Variants in PDS5B observed in about 807,000 individuals in gnomAD.
PDS5B encodes sister chromatid cohesion protein PDS5 homolog B.
PDS5B carries 51 observed loss-of-function variants against 184.1 expected under a neutral mutation model. The observed-to-expected ratio is 0.28, with a 90% CI of 0.22 to 0.35. The LOEUF is 0.35. Ranked by LOEUF, PDS5B falls within the 10% of genes least tolerant of loss-of-function variation. The pLI, the probability that PDS5B is intolerant of heterozygous loss-of-function variation, is 1.00. For missense variants in PDS5B, 1,180 were observed against 1,723.3 expected (o/e 0.68, Z 5.58); for synonymous variants, 566 against 569.2 (o/e 0.99, Z 0.08).
At chr13:32,651,747 A>G (rs947429742) in intron 2 of PDS5B, 57 bp from the exon 3 acceptor site, 2 of 1,034,504 alleles carry the variant, frequency 1.9e-6, no homozygotes, top group East Asian at 2.4e-5. Flanking sequence ...CCTTTATTTC[A>G]CATGACTGTA....
At chr13:32,660,497 T>C (rs935765052) in intron 6 of PDS5B, among the ~76,000 whole-genome samples, 1 of 152,022 alleles carries the variant, frequency 6.6e-6, no homozygotes, top group Admixed American at 6.5e-5. Flanking sequence ...GGAGACCTGC[T>C]AAGCCTTTCA....
At chr13:32,680,036 T>C (rs1228659036) in intron 10 of PDS5B, among the ~76,000 whole-genome samples, 1 of 152,204 alleles carries the variant, frequency 6.6e-6, no homozygotes, top group East Asian at 1.9e-4. Flanking sequence ...GTAGGTAGTT[T>C]TTTGGGGAAT....
chr13:32,654,024 TG>T (rs1950435710), intron 3 of PDS5B, among the ~76,000 whole-genome samples: 1 of 152,206 alleles, frequency 6.6e-6, no homozygotes, highest in African/African-American at 2.4e-5. Context: ...ATGAGAAGAC[TG>T]TAAAAGAGCT....
rs1164650314 is a variant in PDS5B at position 32,775,984 on chromosome 13, A to T, written c.*932A>T. On this transcript the variant is annotated 3_prime_UTR_variant, in exon 35 of 35. Transcript: ENST00000315596. The stretch of plus-strand genomic sequence containing the variant: ...ATGTTCAGAAAATGCAAATTACACT[A>T]TAATATAAAACCTGATATATACACA... 2 of 193,282 alleles carry T rather than the reference A, an allele frequency of 1.0e-5. No homozygotes were observed. The highest frequency in any genetic ancestry group is 2.2e-5 in the Non-Finnish European group (2 of 92,666). The allele number at this position is 193,282 out of a possible 1,614,324, so 12.0% of individuals were successfully genotyped here.
chr13:32,599,007 T>C (rs944322521), intron 1 of PDS5B, among the ~76,000 whole-genome samples: 4 of 152,124 alleles, frequency 2.6e-5, no homozygotes, highest in Non-Finnish European at 4.4e-5. Flanking sequence ...CCTGACCTCG[T>C]GATCCGTCTG....
At position 32,598,579 on chromosome 13, in the gene PDS5B, T is replaced by C. The variant is rs150469889; in HGVS notation, c.-20+11986T>C. Among the ~76,000 whole-genome samples, 253 of 152,216 alleles carry C rather than the reference T, an allele frequency of 1.7e-3. 3 individuals carry two copies. The highest frequency in any genetic ancestry group is 6.0e-3 in the African/African-American group (248 of 41,488). Reference sequence around the variant, plus strand: ...TCAAATTCCTGGGCTCAAGCAGTCCTCCTGCCTTAGCCTCCTGGGTAGCTA... The same window carrying C: ...TCAAATTCCTGGGCTCAAGCAGTCCCCCTGCCTTAGCCTCCTGGGTAGCTA... On this transcript the variant is annotated intron_variant, in intron 1 of 34. Coordinates refer to ENST00000315596, the MANE Select transcript of PDS5B (RefSeq NM_015032.4).
At chr13:32,706,718 C>T (rs1952029496) in intron 17 of PDS5B, among the ~76,000 whole-genome samples, 1 of 152,072 alleles carries the variant, frequency 6.6e-6, no homozygotes, top group Non-Finnish European at 1.5e-5. Flanking sequence ...AACATTTTGA[C>T]CTCATTTGAA....
At chr13:32,683,847 A>T in intron 10 of PDS5B, 31 bp from the exon 11 acceptor site, 1 of 1,489,856 alleles carries the variant, frequency 6.7e-7, no homozygotes, top group African/African-American at 1.4e-5. Flanking sequence ...AGTTATTAAA[A>T]TTTCCACTGT....
chr13:32,735,660 G>A (rs1953305554), intron 21 of PDS5B, among the ~76,000 whole-genome samples: 1 of 152,104 alleles, frequency 6.6e-6, no homozygotes, highest in Non-Finnish European at 1.5e-5. Flanking sequence ...CCAGCTCATA[G>A]TATGGTTGTC....
At chr13:32,758,062 C>CT in intron 26 of PDS5B, 25 bp from the exon 27 acceptor site, 1 of 996,248 alleles carries the variant, frequency 1.0e-6, no homozygotes, top group Non-Finnish European at 1.4e-6. Context: ...TTCTATATTT[C>CT]TTTTTTCCTT....
rs566055464 is a variant in PDS5B, at chr13:32,706,569, G to A, written c.1857-365G>A. Among the ~76,000 whole-genome samples the A allele has an allele frequency of 6.2e-4, 95 of 152,108 alleles. No homozygotes were observed. The Middle Eastern group carries it at 0.01, about 16-fold the overall frequency. On this transcript the variant is annotated intron_variant, in intron 17 of 34. Coordinates refer to ENST00000315596, the MANE Select transcript of PDS5B (RefSeq NM_015032.4). The stretch of plus-strand genomic sequence containing the variant: ...GTTTCCTTTATCATTTTTTATTTCT[G>A]TGTATATTGTTCTACTTACTGGACT...
chr13:32,688,626 A>C (rs776843502), intron 13 of PDS5B, 57 bp downstream of exon 13: 1 of 1,028,286 alleles, frequency 9.7e-7, no homozygotes, highest in Admixed American at 1.7e-5. Context: ...ATTGGATTTT[A>C]TGGAAAAGAA....
At chr13:32,621,304 A>T (rs1425153489) in intron 1 of PDS5B, among the ~76,000 whole-genome samples, 1 of 152,180 alleles carries the variant, frequency 6.6e-6, no homozygotes, top group African/African-American at 2.4e-5. Flanking sequence ...TCCCTACAAA[A>T]AATAAAAAAA....
chr13:32,673,753 A>G (rs895112827), intron 8 of PDS5B, among the ~76,000 whole-genome samples: 1 of 152,088 alleles, frequency 6.6e-6, no homozygotes, highest in Admixed American at 6.6e-5. Flanking sequence ...CTTTCCCTTT[A>G]TGCATATTAT....
At chr13:32,765,587 A>G (rs1211187395) in intron 31 of PDS5B, among the ~76,000 whole-genome samples, 1 of 152,126 alleles carries the variant, frequency 6.6e-6, no homozygotes. Flanking sequence ...TTTAGAAAGA[A>G]TTATTCTTTT....
chr13:32,643,390 C>G (rs1042012671), intron 1 of PDS5B, among the ~76,000 whole-genome samples: 4 of 152,166 alleles, frequency 2.6e-5, no homozygotes, highest in Non-Finnish European at 5.9e-5. Flanking sequence ...TACTGTACCT[C>G]GAATTCATTT....
At chr13:32,724,622 C>G (rs537437512) in intron 19 of PDS5B, among the ~76,000 whole-genome samples, 1 of 152,196 alleles carries the variant, frequency 6.6e-6, no homozygotes, top group South Asian at 2.1e-4. Flanking sequence ...TGCTCTGTTG[C>G]CCAGGCTAGA....
chr13:32,646,509 C>T (rs183553537), intron 1 of PDS5B, among the ~76,000 whole-genome samples: 55 of 149,802 alleles, frequency 3.7e-4, no homozygotes, highest in African/African-American at 1.2e-3. Flanking sequence ...ATATGTCTTA[C>T]GGTGGACAAA....
intron 6 of PDS5B, among the ~76,000 whole-genome samples, chr13:32,664,464 A>G (rs957050140): frequency 2.6e-5 from 4 of 152,338 alleles, no homozygotes; most frequent in Middle Eastern, 6.8e-3. Context: ...ACTGAAAAGC[A>G]TAATAGAAGA....
Sources: allele counts gnomAD v4.1 joint callset (sites outside exome capture counted in the v4.1 genomes callset), GRCh38; gene constraint gnomAD v4.1.1; transcripts MANE v1.5; gene names NCBI Gene and HGNC (gene_info 2026-07-23, HGNC 2026-07-21).